Variants in WDR75 observed in about 807,000 individuals in gnomAD.
WDR75 encodes the protein WD repeat-containing protein 75.
A neutral mutation model predicts 106.1 loss-of-function variants in WDR75; 52 were observed. The observed-to-expected ratio is 0.49, with a 90% CI of 0.39 to 0.62. WDR75 has a LOEUF of 0.62. Ranked by LOEUF, WDR75 falls within the 20% of genes least tolerant of loss-of-function variation. The pLI is 0.00. For synonymous variants in WDR75, 333 were observed against 335.5 expected, an observed-to-expected ratio of 0.99 and a Z score of 0.08; for missense variants, 905 against 970.3, an observed-to-expected ratio of 0.93 and a Z score of 0.89.
chr2:189,475,377 A>G lies in WDR75; in HGVS notation c.2453A>G (p.Lys818Arg), dbSNP rs1419314826. 6.2e-7 allele frequency: 1 copy of G among 1,612,302 alleles called. No individual in the cohort carries two copies. The highest frequency in any genetic ancestry group is 1.1e-5 in the South Asian group (1 of 90,608). The change falls in exon 21 of 21, where the codon AAA (lysine) becomes AGA (arginine). Residue 818 changes from lysine (K) to arginine (R), a missense_variant. Lys to Arg is a conservative substitution (Grantham distance 26, BLOSUM62 2). Transcript: ENST00000314761. ...LSKSEEKELR[K>R]FRKIDYSWIA... ...AAATCTGAAGAAAAAGAACTGAGAA[A>G]ATTTAGGAAAATAGACTACAGCTGG...
chr2:189,468,237 A>G (rs1311914814), intron 14 of WDR75, among the ~76,000 whole-genome samples: 1 of 152,160 alleles, frequency 6.6e-6, no homozygotes, highest in Non-Finnish European at 1.5e-5. Flanking sequence ...GTAAATTGGT[A>G]TACCGCACAG....
At position 189,470,847 on chromosome 2, in the gene WDR75, C is replaced by T; in HGVS notation, c.2018C>T (p.Pro673Leu). The part of the protein sequence containing the change: ...QSLLTFSTKS[P>L]EEKLTPTSKQ... ...TTATTGACATTCAGTACAAAGTCTC[C>T]AGAAGAAAAACTCACACCAACAAGC... Residue 673 changes from proline (P) to leucine (L), a missense_variant, in exon 18 of 21, where the codon CCA becomes CTA. Coordinates refer to ENST00000314761, the MANE Select transcript of WDR75 (RefSeq NM_032168.3). 1.3e-6 allele frequency: 2 copies of T among 1,594,942 alleles called. No individual in the cohort carries two copies. Among genetic ancestry groups the T allele is most frequent in the South Asian group, 2.3e-5 (2 of 88,114 alleles).
intron 18 of WDR75, among the ~76,000 whole-genome samples, chr2:189,473,852 T>C (rs186439969): frequency 6.6e-6 from 1 of 152,340 alleles, no homozygotes; most frequent in Admixed American, 6.5e-5. Flanking sequence ...GTTTCCAACA[T>C]GTTACTGTTA....
intron 8 of WDR75, among the ~76,000 whole-genome samples, chr2:189,460,121 C>T (rs1686845625): frequency 6.6e-6 from 1 of 152,236 alleles, no homozygotes; most frequent in African/African-American, 2.4e-5. Flanking sequence ...AGCATCCTCA[C>T]ACCCATGTGG....
chr2:189,469,658 G>A (rs62187105), intron 16 of WDR75, among the ~76,000 whole-genome samples: 2,902 of 152,114 alleles, frequency 0.019, 47 homozygotes, highest in Non-Finnish European at 0.032. Flanking sequence ...AAGCCAATTC[G>A]TACTCAATCT....
In WDR75 at chr2:189,459,351, TG is replaced by T. The variant is rs1686812815; in HGVS notation, c.706del (p.Asp236IlefsTer23). On this transcript the variant is annotated frameshift_variant, in exon 8 of 21. Coordinates refer to ENST00000314761, the MANE Select transcript of WDR75 (RefSeq NM_032168.3). LOFTEE classifies it high-confidence loss of function. Reference protein sequence around the residue: ...KIRLWRNFYDDKKYTYTCLHW... With the variant: ...KIRLWRNFYDXKKYTYTCLHW... The stretch of plus-strand genomic sequence containing the variant: ...TCTCCAATAGGAGGAATTTTTATGA[TG>T]ATAAGAAATATACGTACACATGTTT... 3.7e-6 allele frequency: 6 copies of T among 1,607,688 alleles called. No individual in the cohort carries two copies. Among genetic ancestry groups the T allele is most frequent in the Non-Finnish European group, 5.1e-6 (6 of 1,178,740 alleles).
intron 4 of WDR75, 61 bp downstream of exon 4, chr2:189,451,956 T>C: frequency 7.3e-7 from 1 of 1,372,922 alleles, no homozygotes; most frequent in Non-Finnish European, 1.0e-6. Context: ...TTACAGTTCC[T>C]CAAAATTTAA....
intron 4 of WDR75, among the ~76,000 whole-genome samples, chr2:189,452,373 C>G (rs1686641498): frequency 6.6e-6 from 1 of 152,016 alleles, no homozygotes. Flanking sequence ...TCCTGGCTAA[C>G]ACGGTGAAAC....
chr2:189,458,947 C>A, intron 7 of WDR75, 75 bp downstream of exon 7: 1 of 1,443,186 alleles, frequency 6.9e-7, no homozygotes, highest in South Asian at 1.7e-5. Context: ...AGGGCTATCT[C>A]TGGGTCCCAA....
intron 8 of WDR75, among the ~76,000 whole-genome samples, chr2:189,461,658 T>G (rs1686885229): frequency 6.6e-6 from 1 of 152,222 alleles, no homozygotes; most frequent in Non-Finnish European, 1.5e-5. Flanking sequence ...TATAAACTAT[T>G]TTGGCTATGC....
chr2:189,470,895 C>T lies in WDR75; in HGVS notation c.2049+17C>T. The T allele has an allele frequency of 1.3e-6, 2 of 1,585,194 alleles. No individual in the cohort carries two copies. ...AGCAAACAGGTATGTTTTAGCCATT[C>T]ATAGCAGGATGTATTGCCTCCCTAA... On this transcript the variant is annotated intron_variant, in intron 18 of 20. Transcript: ENST00000314761.
In WDR75 at chr2:189,466,475, C is replaced by T. The variant is rs559659385; in HGVS notation, c.1340C>T (p.Ala447Val). 1.9e-6 allele frequency: 3 copies of T among 1,613,176 alleles called. No homozygotes were observed. The highest frequency in any genetic ancestry group is 4.5e-5 in the East Asian group (2 of 44,838). ...ATGCCACACGAAGACTGCATTACAG[C>T]TCTCTGTTTCTGTAATGCAGAAAAA... ...INMPHEDCITALCFCNAEKSE... is the reference protein window; with the variant it reads ...INMPHEDCITVLCFCNAEKSE... The change falls in exon 13 of 21, where the codon GCT becomes GTT. Residue 447 changes from alanine to valine, a missense_variant. By Grantham distance (64) the Ala-to-Val change is moderately conservative. Transcript: ENST00000314761.
At chr2:189,459,571 T>C (rs1218426667) in intron 8 of WDR75, 147 bp downstream of exon 8, 2 of 731,122 alleles carry the variant, frequency 2.7e-6, no homozygotes, top group East Asian at 2.7e-5. Context: ...TTTTGGGCTT[T>C]GCTCAGCACA....
chr2:189,441,713 G>A, intron 1 of WDR75, 135 bp downstream of exon 1: 1 of 1,000,596 alleles, frequency 1.0e-6, no homozygotes, highest in Non-Finnish European at 1.5e-6. Context: ...ACGCGCCTGT[G>A]GGGGATCCCC....
At chr2:189,446,964 T>A (rs1272333548) in intron 1 of WDR75, among the ~76,000 whole-genome samples, 5 of 152,164 alleles carry the variant, frequency 3.3e-5, no homozygotes, top group African/African-American at 1.2e-4. Flanking sequence ...TCTACGTGAC[T>A]AACGGGCAGG....
Position 189,451,814 on chromosome 2 carries a change from G to T in WDR75, c.292G>T (p.Val98Phe). The T allele has an allele frequency of 1.2e-6, 2 of 1,613,602 alleles. No individual in the cohort carries two copies. Among genetic ancestry groups the T allele is most frequent in the Non-Finnish European group, 1.7e-6 (2 of 1,179,764 alleles). The change falls in exon 4 of 21, where the codon GTT (valine) becomes TTT (phenylalanine). Residue 98 changes from valine to phenylalanine, a missense_variant. Val to Phe is a conservative substitution (Grantham distance 50). Transcript: ENST00000314761. ...IDGILIKTFI[V>F]GCKLHALFTL... ...GCTCTTTATCTTTCAGACTTTCATA[G>T]TTGGATGTAAACTTCATGCCCTCTT... is the stretch of plus-strand genomic sequence containing the variant.
chr2:189,452,375 C>T (rs944344523), intron 4 of WDR75, among the ~76,000 whole-genome samples: 5 of 151,902 alleles, frequency 3.3e-5, no homozygotes, highest in African/African-American at 9.7e-5. Context: ...CTGGCTAACA[C>T]GGTGAAACCC....
chr2:189,463,725 A>T lies in WDR75; in HGVS notation c.969A>T (p.Ala323=), dbSNP rs746011437. ...TAATTATTCACCGAAACCTTGAAGC[A>T]TCCGCAGTAATTCAAGGCCTAGTGA... is the stretch of plus-strand genomic sequence containing the variant. ...KIIIIHRNLE[A]SAVIQGLVKD... The change falls in exon 10 of 21, where the codon GCA becomes GCT. Residue 323 remains alanine, a synonymous_variant. Coordinates refer to ENST00000314761, the MANE Select transcript of WDR75 (RefSeq NM_032168.3). 1 of 1,613,742 alleles carries T rather than the reference A, an allele frequency of 6.2e-7. No homozygotes were observed. Among genetic ancestry groups the T allele is most frequent in the African/African-American group, 1.3e-5 (1 of 74,904 alleles).
chr2:189,452,052 T>C (rs748858649), intron 4 of WDR75, 157 bp downstream of exon 4: 7 of 581,924 alleles, frequency 1.2e-5, no homozygotes, highest in African/African-American at 1.9e-5. Flanking sequence ...TGGAGATGGT[T>C]TGTATGAATT....
Sources: allele counts gnomAD v4.1 joint callset (sites outside exome capture counted in the v4.1 genomes callset), GRCh38; gene constraint gnomAD v4.1.1; transcripts MANE v1.5; gene names NCBI Gene and HGNC (gene_info 2026-07-23, HGNC 2026-07-21).